The following PRKD3 variants were observed in gnomAD, a reference collection of about 807,000 sequenced individuals.
PRKD3 encodes the protein serine/threonine-protein kinase D3.
A neutral mutation model predicts 99.2 loss-of-function variants in PRKD3; 47 were observed. The observed-to-expected ratio is 0.47, with a 90% CI of 0.38 to 0.60. PRKD3 has a LOEUF of 0.60. Among genes scored for constraint, PRKD3 ranks in the 20% least tolerant of loss-of-function variants. The probability of loss-of-function intolerance (pLI) is 0.00; values close to 1 mark genes in which losing one functional copy is unlikely to be tolerated. For synonymous variants in PRKD3, 392 were observed against 355.4 expected (o/e 1.10, Z -1.16); for missense variants, 1,019 against 1,088.4 (o/e 0.94, Z 0.90).
rs1312375925 is a variant in PRKD3 at position 37,286,219 on chromosome 2, G to T, written c.868C>A (p.Arg290=). ...TRPTICQYCK[R]LLKGLFRQGM... is the part of the protein sequence containing the mutation. Reference sequence around the variant, plus strand: ...TGGCGAAAGAGGCCTTTCAGTAACCGCTTGCAGTACTGACATATCGTGGGA... The same window carrying T: ...TGGCGAAAGAGGCCTTTCAGTAACCTCTTGCAGTACTGACATATCGTGGGA... Residue 290 remains arginine, a synonymous_variant, in exon 6 of 19, where the codon CGG becomes AGG. Coordinates refer to ENST00000234179, the MANE Select transcript of PRKD3 (RefSeq NM_005813.6). 3 of 1,613,354 alleles carry T rather than the reference G, an allele frequency of 1.9e-6. No individual in the cohort carries two copies. Among genetic ancestry groups the T allele is most frequent in the Non-Finnish European group, 2.5e-6 (3 of 1,179,546 alleles).
chr2:37,286,901 T>C (rs192901208), intron 5 of PRKD3, among the ~76,000 whole-genome samples: 3 of 152,272 alleles, frequency 2.0e-5, no homozygotes, highest in African/African-American at 7.2e-5. Context: ...TTACCCATTT[T>C]GGAGACTATT....
chr2:37,312,111 T>C (rs1275218406), intron 2 of PRKD3, among the ~76,000 whole-genome samples: 1 of 152,220 alleles, frequency 6.6e-6, no homozygotes, highest in South Asian at 2.1e-4. Context: ...TTGCCTATAA[T>C]TTTTAAAAAA....
At chr2:37,304,346 G>C (rs943300485) in intron 2 of PRKD3, among the ~76,000 whole-genome samples, 8 of 152,054 alleles carry the variant, frequency 5.3e-5, no homozygotes, top group African/African-American at 1.9e-4. Flanking sequence ...TCTAAATACA[G>C]ACATAAGGAC....
intron 14 of PRKD3, 25 bp downstream of exon 14, chr2:37,267,405 C>T (rs753243267): frequency 7.0e-7 from 1 of 1,437,020 alleles, no homozygotes; most frequent in Non-Finnish European, 9.6e-7. Context: ...CTTTAATAAA[C>T]CAGTTTTTTA....
Position 37,259,566 on chromosome 2 carries a change from T to G in PRKD3, c.2145+17A>C. The G allele has an allele frequency of 1.3e-6, 2 of 1,583,334 alleles. No individual in the cohort carries two copies. Among genetic ancestry groups the G allele is most frequent in the Non-Finnish European group, 1.7e-6 (2 of 1,153,994 alleles). The stretch of plus-strand genomic sequence containing the variant: ...ATGTTGCCAGAATCATTTAAAAGGT[T>G]CTGGAGAATATCTCACCTGAGGAAA... On this transcript the variant is annotated intron_variant, in intron 16 of 18. Transcript: ENST00000234179.
chr2:37,306,912 C>T (rs968830993), intron 2 of PRKD3, among the ~76,000 whole-genome samples: 4 of 152,190 alleles, frequency 2.6e-5, no homozygotes, highest in Admixed American at 6.5e-5. Flanking sequence ...CAGTCATATT[C>T]CCTATTTTAC....
At chr2:37,321,425 G>C (rs191631972) in intron 1 of PRKD3, among the ~76,000 whole-genome samples, 1 of 152,078 alleles carries the variant, frequency 6.6e-6, no homozygotes. Flanking sequence ...ACTTACTTGA[G>C]GATTATCTCA....
At chr2:37,278,529 T>C (rs915940462) in intron 8 of PRKD3, 2 of 152,318 alleles carry the variant, frequency 1.3e-5, no homozygotes, top group African/African-American at 4.8e-5. Flanking sequence ...AAATCAGCAC[T>C]GAAACATGGC....
At chr2:37,280,330 C>T (rs563627911) in intron 7 of PRKD3, among the ~76,000 whole-genome samples, 2 of 152,022 alleles carry the variant, frequency 1.3e-5, no homozygotes, top group African/African-American at 2.4e-5. Context: ...CAGGCGTGAG[C>T]CACCACGCCT....
intron 10 of PRKD3, 134 bp downstream of exon 10, chr2:37,275,633 G>C: frequency 1.1e-6 from 1 of 951,908 alleles, no homozygotes; most frequent in Non-Finnish European, 1.4e-6. Flanking sequence ...GCTTCAACAA[G>C]GAACCTAACA....
In PRKD3 at chr2:37,270,230, G is replaced by GA. The variant is rs1004967181; in HGVS notation, c.1705-544dup. ...CAACAAGAGCGAGACTCCATCTCAA[G>GA]AAAAAAAAAAATCTTGTATTTATTA... is the stretch of plus-strand genomic sequence containing the variant. On this transcript the variant is annotated intron_variant, in intron 12 of 18. Coordinates refer to ENST00000234179, the MANE Select transcript of PRKD3 (RefSeq NM_005813.6). Among the ~76,000 whole-genome samples the GA allele has an allele frequency of 5.0e-4, 65 of 131,112 alleles. 1 individual carries two copies. The highest frequency in any genetic ancestry group is 1.6e-3 in the Admixed American group (20 of 12,706). The allele number at this position is 131,112 out of a possible 152,430, so 86.0% of individuals were successfully genotyped here.
rs1415787883 is a variant in PRKD3 at position 37,274,701 on chromosome 2, A to C, written c.1375-4T>G. Reference sequence around the variant, plus strand: ...GAATTTCTGAAAGTGGAATTTCCTGAAGTAAAAAATTAAGCATTGAAAAAT... The same window carrying C: ...GAATTTCTGAAAGTGGAATTTCCTGCAGTAAAAAATTAAGCATTGAAAAAT... On this transcript the variant is annotated splice_polypyrimidine_tract_variant and splice_region_variant and intron_variant, in intron 10 of 18. Coordinates refer to ENST00000234179, the MANE Select transcript of PRKD3 (RefSeq NM_005813.6). 6.2e-7 allele frequency: 1 copy of C among 1,610,392 alleles called. No homozygotes were observed. The highest frequency in any genetic ancestry group is 8.5e-7 in the Non-Finnish European group (1 of 1,177,352).
intron 9 of PRKD3, among the ~76,000 whole-genome samples, chr2:37,276,286 T>C (rs1408488811): frequency 2.0e-5 from 3 of 152,166 alleles, no homozygotes; most frequent in Non-Finnish European, 2.9e-5. Context: ...TTATAGTCTC[T>C]TCAGCAACGT....
chr2:37,312,914 G>A (rs1671500205), intron 2 of PRKD3, among the ~76,000 whole-genome samples: 1 of 152,160 alleles, frequency 6.6e-6, no homozygotes, highest in African/African-American at 2.4e-5. Context: ...AGCTAATTCA[G>A]TGTTCTCAGT....
intron 14 of PRKD3, among the ~76,000 whole-genome samples, chr2:37,261,201 T>TA (rs1668411658): frequency 6.6e-6 from 1 of 152,224 alleles, no homozygotes; most frequent in South Asian, 2.1e-4. Flanking sequence ...TTAATAAAGA[T>TA]ACAGGCTGGG....
At position 37,270,421 on chromosome 2, in the gene PRKD3, G is replaced by T. The variant is rs887229927; in HGVS notation, c.1705-734C>A. ...CCTAACTTTGAGAGACTGAAGAAAA[G>T]AATATGTATGAGAGAAAGTCTGTAA... On this transcript the variant is annotated intron_variant, in intron 12 of 18. Transcript: ENST00000234179. 3.4e-5 allele frequency among the ~76,000 whole-genome samples: 5 copies of T among 147,722 alleles called. No homozygotes were observed. In the South Asian group the frequency reaches 6.4e-4, roughly 19 times the overall value.
In PRKD3 at chr2:37,310,234, G is replaced by T. The variant is rs910703385; in HGVS notation, c.288+6003C>A. On this transcript the variant is annotated intron_variant, in intron 2 of 18. Coordinates refer to ENST00000234179, the MANE Select transcript of PRKD3 (RefSeq NM_005813.6). Reference sequence around the variant, plus strand: ...CTTCAACAGAGAGGGACCTCGAAGTGTAATAGCTCAAGTTTTCTTTTGAGT... The same window carrying T: ...CTTCAACAGAGAGGGACCTCGAAGTTTAATAGCTCAAGTTTTCTTTTGAGT... 3.3e-5 allele frequency among the ~76,000 whole-genome samples: 5 copies of T among 152,322 alleles called. No homozygotes were observed. The South Asian group carries it at 1.0e-3, about 32-fold the overall frequency.
intron 2 of PRKD3, among the ~76,000 whole-genome samples, chr2:37,310,786 C>T (rs566039132): frequency 6.6e-6 from 1 of 152,220 alleles, no homozygotes; most frequent in South Asian, 2.1e-4. Flanking sequence ...CATGGCATGT[C>T]TGAAGCTTAG....
chr2:37,284,680 T>G (rs1390558399), intron 6 of PRKD3, among the ~76,000 whole-genome samples: 1 of 152,244 alleles, frequency 6.6e-6, no homozygotes, highest in Non-Finnish European at 1.5e-5. Flanking sequence ...TTTCATCATG[T>G]TATAATGCCT....
Sources: allele counts gnomAD v4.1 joint callset (sites outside exome capture counted in the v4.1 genomes callset), GRCh38; gene constraint gnomAD v4.1.1; transcripts MANE v1.5; gene names NCBI Gene and HGNC (gene_info 2026-07-23, HGNC 2026-07-21).